The following FNBP1L variants were observed in gnomAD, a reference collection of about 807,000 sequenced individuals.
FNBP1L encodes the protein formin binding protein 1 like.
Under a neutral mutation model 91.2 loss-of-function variants are expected in FNBP1L, and 36 were observed. The observed-to-expected ratio is 0.39, with a 90% CI of 0.30 to 0.52. FNBP1L has a LOEUF of 0.52. FNBP1L is among the 20% of genes least tolerant of loss of function. The probability of loss-of-function intolerance (pLI) is 0.66; values close to 1 mark genes in which losing one functional copy is unlikely to be tolerated. For synonymous variants in FNBP1L, 242 were observed against 237.0 expected (o/e 1.02, Z -0.19); for missense variants, 571 against 732.1 (o/e 0.78, Z 2.54).
At chr1:93,522,184 C>A in intron 3 of FNBP1L, 49 bp downstream of exon 3, 1 of 933,358 alleles carries the variant, frequency 1.1e-6, no homozygotes, top group Non-Finnish European at 1.5e-6. Context: ...TTTAAAAATA[C>A]TTATATTTTT....
At chr1:93,497,156 G>T (rs2075116782) in intron 1 of FNBP1L, among the ~76,000 whole-genome samples, 1 of 151,798 alleles carries the variant, frequency 6.6e-6, no homozygotes, top group African/African-American at 2.4e-5. Context: ...TACAGACGGG[G>T]TTTCACCGTG....
chr1:93,449,335 G>GT (rs1244971449), intron 1 of FNBP1L, among the ~76,000 whole-genome samples: 1 of 152,154 alleles, frequency 6.6e-6, no homozygotes, highest in Non-Finnish European at 1.5e-5. Flanking sequence ...TGGGGGCGCT[G>GT]TCCCGAGAGC....
At chr1:93,517,333 C>CT (rs375386698) in intron 2 of FNBP1L, among the ~76,000 whole-genome samples, 9 of 151,124 alleles carry the variant, frequency 6.0e-5, no homozygotes, top group African/African-American at 9.7e-5. Context: ...TCTTTTTTTT[C>CT]TTTTTTTTAA....
At chr1:93,507,765 C>T (rs931587281) in intron 2 of FNBP1L, among the ~76,000 whole-genome samples, 52 of 152,204 alleles carry the variant, frequency 3.4e-4, no homozygotes, top group African/African-American at 1.2e-3. Context: ...TCTCCTGCCT[C>T]AGCCTCCCTA....
At chr1:93,499,066 A>G (rs2101724561) in intron 1 of FNBP1L, among the ~76,000 whole-genome samples, 1 of 152,278 alleles carries the variant, frequency 6.6e-6, no homozygotes, top group East Asian at 1.9e-4. Flanking sequence ...TCAATATAGT[A>G]TAGCAAATGA....
At chr1:93,533,554 T>G (rs1344944408) in intron 8 of FNBP1L, among the ~76,000 whole-genome samples, 1 of 152,206 alleles carries the variant, frequency 6.6e-6, no homozygotes, top group African/African-American at 2.4e-5. Context: ...GTATCTTGAT[T>G]AAGGACTAGG....
chr1:93,524,366 CTAGAT>C, intron 5 of FNBP1L, 43 bp downstream of exon 5: 6 of 1,365,816 alleles, frequency 4.4e-6, no homozygotes, highest in Non-Finnish European at 5.9e-6. Context: ...ATCTTGTAGA[CTAGAT>C]TAGCCCTAAA....
intron 16 of FNBP1L, chr1:93,552,049 G>A (rs1406971533): frequency 2.9e-6 from 3 of 1,036,104 alleles, no homozygotes; most frequent in South Asian, 9.2e-5. Context: ...CTGGGTTAGA[G>A]GAAGATATGT....
chr1:93,549,539 A>G, intron 15 of FNBP1L, 113 bp downstream of exon 15: 2 of 815,716 alleles, frequency 2.5e-6, no homozygotes, highest in South Asian at 5.4e-5. Context: ...TCAGAAAATT[A>G]TTATCCCATT....
chr1:93,534,060 A>G (rs1196803706), intron 8 of FNBP1L, among the ~76,000 whole-genome samples: 1 of 152,170 alleles, frequency 6.6e-6, no homozygotes, highest in East Asian at 1.9e-4. Context: ...AGAGGTATGT[A>G]TGTCTAAAAA....
At position 93,517,446 on chromosome 1, in the gene FNBP1L, C is replaced by T. The variant is rs373663814; in HGVS notation, c.141-4636C>T. On this transcript the variant is annotated intron_variant, in intron 2 of 16. Coordinates refer to ENST00000271234, the MANE Select transcript of FNBP1L (RefSeq NM_001164473.3). ...GCCCCAAGGGATCCTCCCACTTTGG[C>T]CTCCCAAAGCACTGAGATTGCAGGC... Among the ~76,000 whole-genome samples, 45 of 152,298 alleles carry T rather than the reference C, an allele frequency of 3.0e-4. No homozygotes were observed. The East Asian group carries it at 7.1e-3, about 24-fold the overall frequency.
chr1:93,534,870 G>C lies in FNBP1L; in HGVS notation c.952G>C (p.Ala318Pro). The change falls in exon 9 of 17, where the codon GCC (alanine) becomes CCC (proline). Residue 318 changes from alanine to proline, a missense_variant. By Grantham distance (27) the Ala-to-Pro change is conservative. Coordinates refer to ENST00000271234, the MANE Select transcript of FNBP1L (RefSeq NM_001164473.3). ...GGATGCCAAAACCACAGTAGGAAAG[G>C]CCAAGGGCAAATTGTGGCTCTTTGG... is the stretch of plus-strand genomic sequence containing the variant. The part of the protein sequence containing the change: ...KMDAKTTVGK[A>P]KGKLWLFGKK... The C allele has an allele frequency of 6.3e-7, 1 of 1,578,072 alleles. No individual in the cohort carries two copies. The highest frequency in any genetic ancestry group is 1.7e-4 in the Middle Eastern group (1 of 6,016).
intron 2 of FNBP1L, among the ~76,000 whole-genome samples, chr1:93,503,279 G>A (rs1397142241): frequency 1.3e-5 from 2 of 152,066 alleles, no homozygotes; most frequent in Non-Finnish European, 2.9e-5. Context: ...ATCAGATCTC[G>A]TGAGAACTAA....
chr1:93,467,888 A>T (rs72721013), intron 1 of FNBP1L, among the ~76,000 whole-genome samples: 3 of 152,064 alleles, frequency 2.0e-5, no homozygotes, highest in Non-Finnish European at 4.4e-5. Context: ...AGCCTGGGCA[A>T]CAGAGTGAGA....
At position 93,530,696 on chromosome 1, in the gene FNBP1L, A is replaced by C. The variant is rs568719901; in HGVS notation, c.511-59A>C. ...AAAATCTAGTTTTAGTATAATTTTC[A>C]AAAAAGTGAATTGCTGTGATTTTGT... is the stretch of plus-strand genomic sequence containing the variant. On this transcript the variant is annotated intron_variant, in intron 6 of 16. Coordinates refer to ENST00000271234, the MANE Select transcript of FNBP1L (RefSeq NM_001164473.3). 4 of 1,542,948 alleles carry C rather than the reference A, an allele frequency of 2.6e-6. No homozygotes were observed. In the South Asian group the frequency reaches 3.8e-5, roughly 15 times the overall value.
At chr1:93,491,719 T>C (rs1032332707) in intron 1 of FNBP1L, among the ~76,000 whole-genome samples, 17 of 152,230 alleles carry the variant, frequency 1.1e-4, no homozygotes, top group African/African-American at 4.1e-4. Context: ...TTAAAGCTGA[T>C]TGCTATTTTT....
chr1:93,505,111 T>A (rs531993361), intron 2 of FNBP1L, among the ~76,000 whole-genome samples: 6 of 38,170 alleles, frequency 1.6e-4, no homozygotes, highest in Non-Finnish European at 2.6e-4. Flanking sequence ...AGCTTCATTC[T>A]TTTTTTTTTT....
chr1:93,465,196 G>C (rs937675421), intron 1 of FNBP1L, among the ~76,000 whole-genome samples: 1 of 129,276 alleles, frequency 7.7e-6, no homozygotes, highest in Non-Finnish European at 1.6e-5. Flanking sequence ...TCTTTTTTGG[G>C]GGGGGGGGTT....
intron 2 of FNBP1L, among the ~76,000 whole-genome samples, chr1:93,516,703 G>A (rs1266116456): frequency 3.9e-5 from 6 of 151,912 alleles, no homozygotes; most frequent in Admixed American, 6.6e-5. Flanking sequence ...CTACTAGGGA[G>A]GCTGAGGCAG....
Sources: allele counts gnomAD v4.1 joint callset (sites outside exome capture counted in the v4.1 genomes callset), GRCh38; gene constraint gnomAD v4.1.1; transcripts MANE v1.5; gene names NCBI Gene and HGNC (gene_info 2026-07-23, HGNC 2026-07-21).